NACC2: variants seen among roughly 807,000 people sequenced by gnomAD.
The protein encoded by NACC2 is NACC family member 2.
In NACC2, 8 loss-of-function variants were observed where a neutral mutation model predicts 25.1. The observed-to-expected ratio is 0.32, with a 90% CI of 0.19 to 0.57. NACC2 has a LOEUF of 0.57. NACC2 is among the 20% of genes least tolerant of loss of function. The pLI is 0.89. For missense variants in NACC2, 644 were observed against 650.2 expected (o/e 0.99, Z 0.10); for synonymous variants, 435 against 294.7 (o/e 1.48, Z -4.88).
rs57460855 is a variant in NACC2 at position 136,033,894 on chromosome 9, GGTGTGTGTGTGTGT to G, written c.886+15728_886+15741del. Among the ~76,000 whole-genome samples the G allele has an allele frequency of 1.9e-3, 260 of 137,030 alleles. 1 individual carries two copies. Among genetic ancestry groups the G allele is most frequent in the East Asian group, 5.4e-3 (25 of 4,668 alleles). The allele number at this position is 137,030 out of a possible 152,430, so 89.9% of individuals were successfully genotyped here. A position where few individuals can be genotyped will look rare whatever the true frequency, so the allele number is the denominator to read the frequency against. On this transcript the variant is annotated intron_variant, in intron 2 of 5. Transcript: ENST00000277554. ...ATGCAATCCCAATCAAATTCCAGCA[GGTGTGTGTGTGTGT>G]GTGTGTGTGTGTGTGTGTGTGTGTG...
At chr9:136,076,099 C>T (rs950283111) in intron 1 of NACC2, among the ~76,000 whole-genome samples, 13 of 152,206 alleles carry the variant, frequency 8.5e-5, no homozygotes, top group African/African-American at 2.7e-4. Context: ...GCACCCTTCG[C>T]GGCCTCTGCC....
intron 1 of NACC2, among the ~76,000 whole-genome samples, chr9:136,057,746 G>T (rs1181663196): frequency 6.6e-6 from 1 of 152,186 alleles, no homozygotes; most frequent in Admixed American, 6.5e-5. Flanking sequence ...GCCGGGAGGG[G>T]AAGCACCCTC....
At chr9:136,042,875 GAC>G (rs1347177001) in intron 2 of NACC2, among the ~76,000 whole-genome samples, 3 of 140,378 alleles carry the variant, frequency 2.1e-5, no homozygotes, top group African/African-American at 2.6e-5. Context: ...GAGACAAACA[GAC>G]ACACACACAG....
At position 136,020,576 on chromosome 9, in the gene NACC2, TA is replaced by T. The variant is rs1840277033; in HGVS notation, c.887-4148del. On this transcript the variant is annotated intron_variant, in intron 2 of 5. Transcript: ENST00000277554. The surrounding 1 kb of genome is among the most constrained non-coding windows in gnomAD (Gnocchi z 4.7). ...GAGGGAGACGGGGAGGCCTACTCCCTAAAAGTGTATACCATTTGTTAAAATG... is the reference window on the plus strand; with the variant it reads ...GAGGGAGACGGGGAGGCCTACTCCCTAAAGTGTATACCATTTGTTAAAATG... 6.6e-6 allele frequency among the ~76,000 whole-genome samples: 1 copy of T among 152,212 alleles called. No homozygotes were observed. Among genetic ancestry groups the T allele is most frequent in the African/African-American group, 2.4e-5 (1 of 41,454 alleles).
intron 2 of NACC2, among the ~76,000 whole-genome samples, chr9:136,021,771 G>C (rs193202381): frequency 1.3e-5 from 2 of 152,214 alleles, no homozygotes; most frequent in Non-Finnish European, 2.9e-5. Context: ...CCGCTTGGCT[G>C]TGAAAAGGAA....
At chr9:136,079,229 CACTCTCTGAGCTGAGGGGGA>C (rs1004062484) in intron 1 of NACC2, among the ~76,000 whole-genome samples, 1 of 152,196 alleles carries the variant, frequency 6.6e-6, no homozygotes, top group African/African-American at 2.4e-5. Context: ...GTGGGAACTG[CACTCTCTGAGCTGAGGGGGA>C]GACCAGGGAG....
At chr9:136,042,645 GAC>G (rs1052240135) in intron 2 of NACC2, among the ~76,000 whole-genome samples, 7 of 151,230 alleles carry the variant, frequency 4.6e-5, no homozygotes, top group Non-Finnish European at 7.4e-5. Context: ...CAGACTCACA[GAC>G]ACACACACAC....
At position 136,050,300 on chromosome 9, in the gene NACC2, C is replaced by T. The variant is rs951672263; in HGVS notation, c.222G>A (p.Pro74=). 37 of 746,390 alleles carry T rather than the reference C, an allele frequency of 5.0e-5. No individual in the cohort carries two copies. The African/African-American group carries it at 5.7e-4, about 11-fold the overall frequency. The allele number at this position is 746,390 out of a possible 1,614,324, so 46.2% of individuals were successfully genotyped here. A position where few individuals can be genotyped will look rare whatever the true frequency, so the allele number is the denominator to read the frequency against. The change falls in exon 2 of 6, where the codon CCG becomes CCA. Residue 74 remains proline, a synonymous_variant. Coordinates refer to ENST00000277554, the MANE Select transcript of NACC2 (RefSeq NM_144653.5). ...KSAFELPGSV[P]PACFQQILSF... ...ACAGGATCTGCTGGAAGCAGGCGGG[C>T]GGCACGGAGCCGGGCAGCTCGAAGG...
chr9:136,027,524 T>C (rs1311412326), intron 2 of NACC2, among the ~76,000 whole-genome samples: 1 of 152,156 alleles, frequency 6.6e-6, no homozygotes, highest in Non-Finnish European at 1.5e-5. Context: ...GTGCATTCTA[T>C]GTCCACTGGA....
At chr9:136,058,380 T>C (rs1588575011) in intron 1 of NACC2, among the ~76,000 whole-genome samples, 1 of 54,868 alleles carries the variant, frequency 1.8e-5, no homozygotes, top group South Asian at 3.6e-4. Context: ...GGACCCGGGA[T>C]TCCCATCCTC....
chr9:136,078,240 C>A (rs1830283504), intron 1 of NACC2, among the ~76,000 whole-genome samples: 1 of 152,158 alleles, frequency 6.6e-6, no homozygotes, highest in African/African-American at 2.4e-5. Flanking sequence ...AGGACCCCCA[C>A]CCCCCGCAAC....
rs904726592 is a variant in NACC2 at position 136,019,026 on chromosome 9, C to G, written c.887-2597G>C. The G allele has an allele frequency of 6.6e-6, 1 of 152,138 alleles. No homozygotes were observed. Among genetic ancestry groups the G allele is most frequent in the African/African-American group, 2.4e-5 (1 of 41,412 alleles). 9.4% of individuals were successfully genotyped at this position (152,138 alleles called of 1,614,324 possible). ...GAGCCAGAGACTGTCAGCACCAGAG[C>G]GGCCAAAAAAGCCTCTTCTATTTCT... On this transcript the variant is annotated intron_variant, in intron 2 of 5. Transcript: ENST00000277554. The surrounding 1 kb of genome is among the most constrained non-coding windows in gnomAD (Gnocchi z 5.2).
chr9:136,092,503 C>CA (rs1830443775), intron 1 of NACC2, among the ~76,000 whole-genome samples: 1 of 152,254 alleles, frequency 6.6e-6, no homozygotes, highest in African/African-American at 2.4e-5. Flanking sequence ...CCTCACACCA[C>CA]AGGGCTTTGC....
intron 1 of NACC2, among the ~76,000 whole-genome samples, chr9:136,077,090 G>C (rs963395581): frequency 3.3e-5 from 5 of 152,002 alleles, no homozygotes; most frequent in African/African-American, 4.8e-5. Context: ...TGAGGCAGGA[G>C]AATCGCTTGA....
intron 1 of NACC2, among the ~76,000 whole-genome samples, chr9:136,059,644 C>G (rs940370550): frequency 6.6e-6 from 1 of 152,200 alleles, no homozygotes; most frequent in Non-Finnish European, 1.5e-5. Flanking sequence ...GCCGCAGGGC[C>G]GGGACTTCCA....
intron 1 of NACC2, among the ~76,000 whole-genome samples, chr9:136,057,123 G>A (rs1041216279): frequency 6.6e-6 from 1 of 152,200 alleles, no homozygotes; most frequent in African/African-American, 2.4e-5. Context: ...GGGCCTTGTG[G>A]GGTGCCCGTG....
chr9:136,042,253 G>A (rs1051566902), intron 2 of NACC2, among the ~76,000 whole-genome samples: 1 of 152,186 alleles, frequency 6.6e-6, no homozygotes, highest in African/African-American at 2.4e-5. Context: ...CTCCCAAAGT[G>A]CTGGGATTAC....
At chr9:136,067,110 C>T (rs1292911854) in intron 1 of NACC2, among the ~76,000 whole-genome samples, 2 of 151,988 alleles carry the variant, frequency 1.3e-5, no homozygotes, top group Non-Finnish European at 2.9e-5. Flanking sequence ...CAAAATTAGC[C>T]AGGCGTGGTG....
intron 5 of NACC2, among the ~76,000 whole-genome samples, chr9:136,012,758 G>A (rs1316266275): frequency 6.6e-6 from 1 of 151,812 alleles, no homozygotes; most frequent in African/African-American, 2.4e-5. Flanking sequence ...GTGCGAGCCG[G>A]CAGCAGTCAG....
Sources: allele counts gnomAD v4.1 joint callset (sites outside exome capture counted in the v4.1 genomes callset), GRCh38; gene constraint gnomAD v4.1.1; non-coding constraint Gnocchi (gnomAD v3.1); transcripts MANE v1.5; gene names NCBI Gene and HGNC (gene_info 2026-07-23, HGNC 2026-07-21).